The following ROCK2 variants were observed in gnomAD, a reference collection of about 807,000 sequenced individuals.
The protein encoded by ROCK2 is Rho associated coiled-coil containing protein kinase 2.
ROCK2 carries 61 observed loss-of-function variants against 195.1 expected under a neutral mutation model. The observed-to-expected ratio is 0.31, with a 90% CI of 0.25 to 0.39. ROCK2 has a LOEUF of 0.39. Ranked by LOEUF, ROCK2 falls within the 10% of genes least tolerant of loss-of-function variation. The probability of loss-of-function intolerance (pLI) is 1.00; values close to 1 mark genes in which losing one functional copy is unlikely to be tolerated. For synonymous variants in ROCK2, 504 were observed against 545.5 expected (o/e 0.92, Z 1.06); for missense variants, 1,109 against 1,637.4 (o/e 0.68, Z 5.57).
In ROCK2 at chr2:11,202,113, T is replaced by A; in HGVS notation, c.2558A>T (p.Gln853Leu). Residue 853 changes from glutamine to leucine, a missense_variant, in exon 21 of 33, where the codon CAG becomes CTG. Around this residue, in one of 6 missense-constraint regions of ROCK2, gnomAD observed 542 missense variants for 672.0 expected, o/e 0.81. Coordinates refer to ENST00000315872, the MANE Select transcript of ROCK2 (RefSeq NM_004850.5). The part of the protein sequence containing the change: ...KQNAELRKER[Q>L]DADGQMKELQ... Reference sequence around the variant, plus strand: ...CTCTTTCATTTGCCCATCTGCATCCTGACGTTCTCTGTGAGGACAATGAAT... The same window carrying A: ...CTCTTTCATTTGCCCATCTGCATCCAGACGTTCTCTGTGAGGACAATGAAT... 1 of 1,612,892 alleles carries A rather than the reference T, an allele frequency of 6.2e-7. No individual in the cohort carries two copies. Among genetic ancestry groups the A allele is most frequent in the East Asian group, 2.2e-5 (1 of 44,874 alleles).
In ROCK2 at chr2:11,186,470, C is replaced by T. The variant is rs527376468; in HGVS notation, c.4164-3030G>A. Among the ~76,000 whole-genome samples, 9 of 152,322 alleles carry T rather than the reference C, an allele frequency of 5.9e-5. No homozygotes were observed. In the South Asian group the frequency reaches 8.3e-4, roughly 14 times the overall value. ...CTTACAACCCTCTCCCTCATCCCTT[C>T]GAATCAGTCATCTAATTCTAGTTAT... On this transcript the variant is annotated intron_variant, in intron 32 of 32. Coordinates refer to ENST00000315872, the MANE Select transcript of ROCK2 (RefSeq NM_004850.5).
At chr2:11,305,206 T>A (rs768208281) in intron 1 of ROCK2, among the ~76,000 whole-genome samples, 1 of 152,082 alleles carries the variant, frequency 6.6e-6, no homozygotes, top group East Asian at 1.9e-4. Context: ...CGAAACCCTG[T>A]CTTTACTAAA....
chr2:11,296,002 AGAG>A (rs1433249052), intron 1 of ROCK2, among the ~76,000 whole-genome samples: 69 of 20,526 alleles, frequency 3.4e-3, no homozygotes, highest in African/African-American at 8.5e-3. Flanking sequence ...AGAGAGAGAG[AGAG>A]GAGAGAGAGA....
intron 1 of ROCK2, among the ~76,000 whole-genome samples, chr2:11,334,241 A>G (rs1476085113): frequency 1.3e-5 from 2 of 152,196 alleles, no homozygotes; most frequent in Non-Finnish European, 2.9e-5. Context: ...GGCCAGGCGC[A>G]GTGACTTGAG....
At chr2:11,286,485 G>T in intron 3 of ROCK2, 54 bp downstream of exon 3, 2 of 1,137,706 alleles carry the variant, frequency 1.8e-6, no homozygotes, top group East Asian at 2.4e-5. Context: ...TATTGATAAT[G>T]CTTCACAAAA....
chr2:11,252,939 T>TATAATA (rs199970738), intron 3 of ROCK2, among the ~76,000 whole-genome samples: 2,315 of 143,298 alleles, frequency 0.016, 21 homozygotes, highest in East Asian at 0.052. Context: ...AACTTAAAAG[T>TATAATA]ATAATAATAA....
chr2:11,227,811 A>G (rs762495116), intron 5 of ROCK2, among the ~76,000 whole-genome samples: 41 of 152,192 alleles, frequency 2.7e-4, no homozygotes, highest in African/African-American at 4.3e-4. Context: ...GAATAAACTG[A>G]AGTAATCAAG....
At chr2:11,340,144 A>C (rs1399010937) in intron 1 of ROCK2, among the ~76,000 whole-genome samples, 1 of 152,160 alleles carries the variant, frequency 6.6e-6, no homozygotes, top group Admixed American at 6.5e-5. Context: ...ATGTTTCCGA[A>C]CTCAGAATTT....
chr2:11,286,675 T>C (rs1471890765), intron 2 of ROCK2, 36 bp from the exon 3 acceptor site: 8 of 1,099,638 alleles, frequency 7.3e-6, no homozygotes, highest in Non-Finnish European at 1.1e-5. Context: ...ATAATATCAA[T>C]CATATTTATA....
rs557291519 is a variant in ROCK2 at position 11,308,008 on chromosome 2, C to T, written c.142-20272G>A. ...TTGCTGGGGTAGGGGCAGGAGGGGA[C>T]GGGGTGGGGACCAGCCATGTCAGAG... On this transcript the variant is annotated intron_variant, in intron 1 of 32. Coordinates refer to ENST00000315872, the MANE Select transcript of ROCK2 (RefSeq NM_004850.5). 26 of 1,486,542 alleles carry T rather than the reference C, an allele frequency of 1.7e-5. 1 individual carries two copies. The highest frequency in any genetic ancestry group is 1.7e-4 in the South Asian group (14 of 80,912). 92.1% of individuals were successfully genotyped at this position (1,486,542 alleles called of 1,614,324 possible).
At chr2:11,242,438 T>C (rs1443338782) in intron 4 of ROCK2, among the ~76,000 whole-genome samples, 1 of 152,142 alleles carries the variant, frequency 6.6e-6, no homozygotes, top group African/African-American at 2.4e-5. Flanking sequence ...CGTGTGAGGA[T>C]GGGTGCCATG....
upstream of ROCK2, among the ~76,000 whole-genome samples, chr2:11,344,778 G>C (rs1349960921): frequency 6.7e-6 from 1 of 149,990 alleles, no homozygotes; most frequent in Non-Finnish European, 1.5e-5. The surrounding 1 kb of genome is among the most constrained non-coding windows in gnomAD (Gnocchi z 5.4). Flanking sequence ...CGTCTGTCCC[G>C]CTCCGCTTTC....
chr2:11,278,441 C>A (rs1479917093), intron 3 of ROCK2, among the ~76,000 whole-genome samples: 1 of 152,134 alleles, frequency 6.6e-6, no homozygotes, highest in Non-Finnish European at 1.5e-5. Context: ...TTTATACATA[C>A]CATATTATCT....
chr2:11,208,435 T>G lies in ROCK2; in HGVS notation c.2216A>C (p.Lys739Thr). ...KSEAMKEMEK[K>T]LLEERTLKQK... ...TTTTAAAGTTCTTTCCTCCAAGAGC[T>G]TCTTCTCCATTTCTAGTATAATAAA... is the stretch of plus-strand genomic sequence containing the variant. The change falls in exon 19 of 33, where the codon AAG (lysine) becomes ACG (threonine). Residue 739 changes from lysine to threonine, a missense_variant. This residue lies in a region of ROCK2 where 542 missense variants were observed against 672.0 expected (regional missense o/e 0.81). Transcript: ENST00000315872. The G allele has an allele frequency of 2.0e-6, 3 of 1,503,254 alleles. No individual in the cohort carries two copies. Among genetic ancestry groups the G allele is most frequent in the Non-Finnish European group, 2.7e-6 (3 of 1,115,246 alleles). The allele number at this position is 1,503,254 out of a possible 1,614,324, so 93.1% of individuals were successfully genotyped here.
At chr2:11,329,574 A>G (rs899209642) in intron 1 of ROCK2, among the ~76,000 whole-genome samples, 5 of 151,072 alleles carry the variant, frequency 3.3e-5, no homozygotes, top group Non-Finnish European at 5.9e-5. Context: ...GTTTCCTTTT[A>G]TTAGTTCTAA....
chr2:11,334,237 G>C (rs188712415), intron 1 of ROCK2, among the ~76,000 whole-genome samples: 2 of 152,226 alleles, frequency 1.3e-5, no homozygotes, highest in African/African-American at 4.8e-5. Context: ...AAGAGGCCAG[G>C]CGCAGTGACT....
intron 1 of ROCK2, among the ~76,000 whole-genome samples, chr2:11,288,398 T>C (rs913716478): frequency 2.0e-5 from 3 of 152,182 alleles, no homozygotes; most frequent in African/African-American, 7.2e-5. Context: ...CTTGTGAAGG[T>C]AGCACGATTT....
At chr2:11,281,608 C>T (rs1019907137) in intron 3 of ROCK2, among the ~76,000 whole-genome samples, 3 of 150,834 alleles carry the variant, frequency 2.0e-5, no homozygotes, top group African/African-American at 7.3e-5. Flanking sequence ...ATGAGCAATA[C>T]ATATGAAATT....
rs545435663 is a variant in ROCK2, at chr2:11,193,269, C to T, written c.3687+510G>A. Among the ~76,000 whole-genome samples the T allele has an allele frequency of 3.3e-5, 5 of 152,250 alleles. No individual in the cohort carries two copies. In the South Asian group the frequency reaches 1.0e-3, roughly 32 times the overall value. On this transcript the variant is annotated intron_variant, in intron 30 of 32. Transcript: ENST00000315872. ...ACAAGGAGCCAACTTCCACACAGTA[C>T]ACCAAGCACAACGACTCTTACATAG...
Sources: gnomAD v4.1 joint callset for allele counts (sites outside exome capture counted in the v4.1 genomes callset) on GRCh38, gnomAD v4.1.1 for gene constraint, gnomAD v4.1.1 regional missense constraint, Gnocchi (gnomAD v3.1) non-coding constraint, MANE v1.5 for transcripts, NCBI Gene and HGNC (gene_info 2026-07-23, HGNC 2026-07-21) for gene names.